The following SLC12A1 variants were observed in gnomAD, a reference collection of about 807,000 sequenced individuals.
The protein encoded by SLC12A1 is solute carrier family 12 member 1, also known as Na-K-2Cl cotransporter.
In SLC12A1, 89 loss-of-function variants were observed where a neutral mutation model predicts 130.4. The observed-to-expected ratio is 0.68, with a 90% confidence interval of 0.58 to 0.81. SLC12A1 has a LOEUF of 0.81. Ranked by LOEUF, SLC12A1 falls within the 40% of genes least tolerant of loss-of-function variation. The pLI, the probability that SLC12A1 is intolerant of heterozygous loss-of-function variation, is 0.00. For synonymous variants in SLC12A1, 499 were observed against 460.0 expected, an observed-to-expected ratio of 1.08 and a Z score of -1.09; for missense variants, 1,310 against 1,336.4, an observed-to-expected ratio of 0.98 and a Z score of 0.31.
chr15:48,253,961 T>G (rs2041675514), intron 15 of SLC12A1, among the ~76,000 whole-genome samples: 1 of 152,236 alleles, frequency 6.6e-6, no homozygotes, highest in Non-Finnish European at 1.5e-5. Flanking sequence ...TAGCCAAGTG[T>G]CTGTTTAAAT....
chr15:48,220,874 C>T (rs368483532), intron 3 of SLC12A1, 47 bp from the exon 4 acceptor site: 12 of 1,610,920 alleles, frequency 7.4e-6, no homozygotes, highest in Non-Finnish European at 9.3e-6. Flanking sequence ...GGGTTTTGTC[C>T]CACTATCGTT....
intron 4 of SLC12A1, chr15:48,221,226 ATCTC>A (rs1290880339): frequency 3.0e-6 from 2 of 670,648 alleles, no homozygotes; most frequent in African/African-American, 3.6e-5. Context: ...GCTCAAGGAG[ATCTC>A]TCTCTTTTGA....
intron 6 of SLC12A1, 84 bp downstream of exon 6, chr15:48,229,412 C>T: frequency 7.4e-7 from 1 of 1,346,158 alleles, no homozygotes; most frequent in South Asian, 1.4e-5. Flanking sequence ...GATATCATTA[C>T]AGCTAAATGA....
intron 21 of SLC12A1, 96 bp from the exon 22 acceptor site, chr15:48,287,947 G>T: frequency 7.5e-7 from 1 of 1,333,186 alleles, no homozygotes; most frequent in South Asian, 1.6e-5. Flanking sequence ...ATGAATCTGT[G>T]ACCTTTTCTC....
At chr15:48,215,552 T>C (rs954120011) in intron 2 of SLC12A1, among the ~76,000 whole-genome samples, 1 of 152,190 alleles carries the variant, frequency 6.6e-6, no homozygotes, top group Non-Finnish European at 1.5e-5. Context: ...CATAAAACTT[T>C]TAGTCTTTGA....
At position 48,258,375 on chromosome 15, in the gene SLC12A1, A is replaced by AAAG. The variant is rs2041733141; in HGVS notation, c.2043-823_2043-822insGAA. On this transcript the variant is annotated intron_variant, in intron 16 of 26. Transcript: ENST00000380993. Reference sequence around the variant, plus strand: ...GACTCCGTCTCAAAAAAAAAAAAAAAAAAAAAAAAAAGAGTGACCTTTACT... The same window carrying AAAG: ...GACTCCGTCTCAAAAAAAAAAAAAAAAAGAAAAAAAAAAAGAGTGACCTTTACT... Among the ~76,000 whole-genome samples, 3 of 69,412 alleles carry AAAG rather than the reference A, an allele frequency of 4.3e-5. No individual in the cohort carries two copies. The South Asian group carries it at 1.2e-3, about 27-fold the overall frequency. 45.5% of individuals were successfully genotyped at this position (69,412 alleles called of 152,430 possible).
chr15:48,226,358 C>T lies in SLC12A1; in HGVS notation c.629-118C>T, dbSNP rs17349412. On this transcript the variant is annotated intron_variant, in intron 4 of 26. Coordinates refer to ENST00000380993, the MANE Select transcript of SLC12A1 (RefSeq NM_000338.3). ...GTTTCTCCTTAGCACAAAGAAACCC[C>T]GTTGGAGCCCGAGGCATGGACCTGA... 7,009 of 615,152 alleles carry T rather than the reference C, an allele frequency of 0.011. 68 individuals carry two copies. Among genetic ancestry groups the T allele is most frequent in the Non-Finnish European group, 0.013 (4,771 of 356,054 alleles). 38.1% of individuals were successfully genotyped at this position (615,152 alleles called of 1,614,324 possible).
chr15:48,213,765 C>T (rs764529942), intron 2 of SLC12A1, among the ~76,000 whole-genome samples: 11 of 151,974 alleles, frequency 7.2e-5, no homozygotes, highest in Non-Finnish European at 1.3e-4. Context: ...CCTCGTGATC[C>T]GCCCACCTCA....
intron 24 of SLC12A1, among the ~76,000 whole-genome samples, chr15:48,295,043 C>G (rs1017284691): frequency 4.0e-5 from 6 of 151,312 alleles, no homozygotes; most frequent in African/African-American, 9.7e-5. Context: ...TCTTGAGTAG[C>G]TGGGTCTACA....
intron 18 of SLC12A1, 102 bp downstream of exon 18, chr15:48,267,803 TCAGAGATCAGTG>T (rs2041849070): frequency 8.0e-6 from 10 of 1,254,830 alleles, no homozygotes; most frequent in Non-Finnish European, 1.1e-5. Context: ...CAGCCAAGCA[TCAGAGATCAGTG>T]CAGATGGTTA....
intron 17 of SLC12A1, among the ~76,000 whole-genome samples, chr15:48,263,843 C>T (rs558718690): frequency 1.5e-4 from 23 of 152,234 alleles, no homozygotes; most frequent in African/African-American, 5.3e-4. Context: ...CAGGCATGTG[C>T]CACCACACCC....
chr15:48,274,529 A>G (rs1473556661), intron 19 of SLC12A1, 42 bp from the exon 20 acceptor site: 1 of 1,302,442 alleles, frequency 7.7e-7, no homozygotes, highest in Non-Finnish European at 1.1e-6. Flanking sequence ...TGAGGATTAA[A>G]AGAGCCATTT....
chr15:48,295,113 T>C (rs186040278), intron 24 of SLC12A1, among the ~76,000 whole-genome samples: 41 of 150,808 alleles, frequency 2.7e-4, no homozygotes, highest in African/African-American at 9.5e-4. Context: ...TCTCACTATG[T>C]TGCCCTGACT....
chr15:48,244,581 G>A (rs1456771605), intron 10 of SLC12A1, among the ~76,000 whole-genome samples, 172 bp from the exon 11 acceptor site: 3 of 152,076 alleles, frequency 2.0e-5, no homozygotes, highest in Non-Finnish European at 2.9e-5. Flanking sequence ...TACAGAAAAC[G>A]GGAAACCCCA....
rs753659760 is a variant in SLC12A1, at chr15:48,285,188, C to T, written c.2568C>T (p.Gly856=). 10 of 1,613,614 alleles carry T rather than the reference C, an allele frequency of 6.2e-6. No individual in the cohort carries two copies. Among genetic ancestry groups the T allele is most frequent in the Admixed American group, 5.0e-5 (3 of 59,990 alleles). The part of the protein sequence containing the change: ...KDNECEEESG[G]IRGLFKKAGK... Reference sequence around the variant, plus strand: ...ATGAGTGTGAAGAGGAAAGTGGAGGCATCCGAGGCTTGTTTAAAAAAGCTG... The same window carrying T: ...ATGAGTGTGAAGAGGAAAGTGGAGGTATCCGAGGCTTGTTTAAAAAAGCTG... The change falls in exon 21 of 27, where the codon GGC becomes GGT. Residue 856 remains glycine (G), a synonymous_variant. Coordinates refer to ENST00000380993, the MANE Select transcript of SLC12A1 (RefSeq NM_000338.3).
intron 4 of SLC12A1, chr15:48,222,245 T>C (rs1022875840): frequency 6.6e-6 from 1 of 152,210 alleles, no homozygotes; most frequent in African/African-American, 2.4e-5. Context: ...TCAAGAAACA[T>C]TACTTTGTTT....
chr15:48,257,867 A>T (rs1365057800), intron 16 of SLC12A1, among the ~76,000 whole-genome samples: 4 of 152,198 alleles, frequency 2.6e-5, no homozygotes, highest in Non-Finnish European at 5.9e-5. Flanking sequence ...AAATTTCTGC[A>T]GCCAGCTTAA....
Position 48,220,774 on chromosome 15 carries a change from G to T in SLC12A1, c.552+9G>T, listed in dbSNP as rs756167760. The stretch of plus-strand genomic sequence containing the variant: ...GGGTGAAAGGTGTGCTGGTGAGAAA[G>T]CTCTTCTGTTTACAAATGAAAACTA... On this transcript the variant is annotated intron_variant, in intron 3 of 26. Transcript: ENST00000380993. 2 of 1,613,928 alleles carry T rather than the reference G, an allele frequency of 1.2e-6. No homozygotes were observed. Among genetic ancestry groups the T allele is most frequent in the Admixed American group, 1.7e-5 (1 of 60,014 alleles).
intron 11 of SLC12A1, among the ~76,000 whole-genome samples, chr15:48,246,636 C>T (rs1222348463): frequency 1.3e-5 from 2 of 152,020 alleles, no homozygotes; most frequent in East Asian, 1.9e-4. Context: ...CAAAAATTAG[C>T]GAGGCGTGGT....
Sources: allele counts gnomAD v4.1 joint callset (sites outside exome capture counted in the v4.1 genomes callset), GRCh38; gene constraint gnomAD v4.1.1; transcripts MANE v1.5; gene names NCBI Gene and HGNC (gene_info 2026-07-23, HGNC 2026-07-21).